The following PLEKHA7 variants were observed in gnomAD, a reference collection of about 807,000 sequenced individuals.
PLEKHA7 encodes pleckstrin homology domain containing A7.
A neutral mutation model predicts 170.0 loss-of-function variants in PLEKHA7; 104 were observed. The ratio of observed to expected loss-of-function variants is 0.61; its 90% CI spans 0.52 to 0.72. The LOEUF is 0.72. Among genes scored for constraint, PLEKHA7 ranks in the 30% least tolerant of loss-of-function variants. The pLI is 0.00. For synonymous variants in PLEKHA7, 648 were observed against 660.8 expected (o/e 0.98, Z 0.30); for missense variants, 1,615 against 1,671.7 (o/e 0.97, Z 0.59).
intron 9 of PLEKHA7, among the ~76,000 whole-genome samples, chr11:16,827,348 C>T (rs1850736290): frequency 6.6e-6 from 1 of 152,206 alleles, no homozygotes; most frequent in African/African-American, 2.4e-5. Context: ...CAGATTTTAG[C>T]AATAAGGAAA....
intron 11 of PLEKHA7, among the ~76,000 whole-genome samples, 178 bp downstream of exon 11, chr11:16,816,622 G>C (rs1849775689): frequency 6.6e-6 from 1 of 152,132 alleles, no homozygotes; most frequent in African/African-American, 2.4e-5. Context: ...ACAGGGTTGT[G>C]GTGAGAATTT....
chr11:16,886,963 AAC>A (rs1234731121), intron 3 of PLEKHA7, among the ~76,000 whole-genome samples: 10 of 152,182 alleles, frequency 6.6e-5, no homozygotes, highest in African/African-American at 2.4e-4. Context: ...TGAACAAAAT[AAC>A]AGTTTTTCTG....
chr11:16,852,288 T>C lies in PLEKHA7; in HGVS notation c.590A>G (p.Tyr197Cys). Reference protein sequence around the residue: ...FVLADYCLFYYKDSREEAVLG... With the variant: ...FVLADYCLFYCKDSREEAVLG... ...TAGGCTACTTGTTAGCTCACCTTTA[T>C]AGTAAAATAAGCAGTAATCAGCAAG... Residue 197 changes from tyrosine (Y) to cysteine (C), a missense_variant, in exon 7 of 27, where the codon TAT becomes TGT. Coordinates refer to ENST00000531066, the MANE Select transcript of PLEKHA7 (RefSeq NM_001329630.2). 2 of 1,613,924 alleles carry C rather than the reference T, an allele frequency of 1.2e-6. No individual in the cohort carries two copies. The highest frequency in any genetic ancestry group is 1.7e-6 in the Non-Finnish European group (2 of 1,179,898).
At chr11:16,913,222 T>C (rs1858380107) in intron 3 of PLEKHA7, among the ~76,000 whole-genome samples, 1 of 152,126 alleles carries the variant, frequency 6.6e-6, no homozygotes, top group Non-Finnish European at 1.5e-5. Flanking sequence ...GAAATGCAAT[T>C]AGTCCCTGCT....
intron 3 of PLEKHA7, among the ~76,000 whole-genome samples, chr11:16,952,612 G>A (rs1861474894): frequency 6.6e-6 from 1 of 152,034 alleles, no homozygotes; most frequent in Admixed American, 6.6e-5. Flanking sequence ...CATAATACAG[G>A]TGGAGTGTCT....
chr11:16,913,244 T>G (rs909483918), intron 3 of PLEKHA7, among the ~76,000 whole-genome samples: 2 of 152,184 alleles, frequency 1.3e-5, no homozygotes, highest in African/African-American at 4.8e-5. Context: ...CAGCCACATT[T>G]TTTTTTCCCC....
chr11:16,797,216 T>C lies in PLEKHA7; in HGVS notation c.2410-2198A>G, dbSNP rs117003236. 2.1e-4 allele frequency among the ~76,000 whole-genome samples: 32 copies of C among 152,318 alleles called. No individual in the cohort carries two copies. The East Asian group carries it at 6.0e-3, about 28-fold the overall frequency. On this transcript the variant is annotated intron_variant, in intron 17 of 26. Coordinates refer to ENST00000531066, the MANE Select transcript of PLEKHA7 (RefSeq NM_001329630.2). ...GGGGTTAAGGGACTACGGCCATCTC[T>C]TGACGGGGCTGTTTAAACATCAAAT...
In PLEKHA7 at chr11:16,791,261, G is replaced by A. The variant is rs1228512336; in HGVS notation, c.2746-62C>T. The A allele has an allele frequency of 6.9e-7, 1 of 1,459,554 alleles. No individual in the cohort carries two copies. The highest frequency in any genetic ancestry group is 2.3e-5 in the Admixed American group (1 of 43,200). The allele number at this position is 1,459,554 out of a possible 1,614,324, so 90.4% of individuals were successfully genotyped here. On this transcript the variant is annotated intron_variant, in intron 19 of 26. Coordinates refer to ENST00000531066, the MANE Select transcript of PLEKHA7 (RefSeq NM_001329630.2). The surrounding 1 kb of genome is among the most constrained non-coding windows in gnomAD (Gnocchi z 4.5). The stretch of plus-strand genomic sequence containing the variant: ...ACGGAGCTGGAGGGAGGACTGCTAG[G>A]TACTGCCACAGTGGAGGTTTAAAGG...
At chr11:16,911,969 T>C (rs1230864346) in intron 3 of PLEKHA7, among the ~76,000 whole-genome samples, 1 of 152,106 alleles carries the variant, frequency 6.6e-6, no homozygotes, top group Admixed American at 6.6e-5. Context: ...GGGCACAAGA[T>C]ACATCTCTGG....
intron 3 of PLEKHA7, among the ~76,000 whole-genome samples, chr11:16,931,709 T>A (rs1859942228): frequency 6.6e-6 from 1 of 151,146 alleles, no homozygotes; most frequent in Non-Finnish European, 1.5e-5. Context: ...GAGCCGAGAT[T>A]GTACAACTGC....
chr11:16,786,693 C>T, intron 23 of PLEKHA7: 2 of 985,384 alleles, frequency 2.0e-6, no homozygotes, highest in Non-Finnish European at 2.4e-6. Context: ...GGGTGACCTC[C>T]AAACAACTTG....
intron 3 of PLEKHA7, among the ~76,000 whole-genome samples, chr11:16,880,237 G>T (rs1269759563): frequency 6.6e-6 from 1 of 152,106 alleles, no homozygotes; most frequent in Non-Finnish European, 1.5e-5. Context: ...ATCTAGAAAG[G>T]CCACACAGGC....
At chr11:16,808,725 C>T (rs557894173) in intron 13 of PLEKHA7, among the ~76,000 whole-genome samples, 61 of 152,252 alleles carry the variant, frequency 4.0e-4, no homozygotes, top group African/African-American at 1.4e-3. Context: ...TGTGCTTCAC[C>T]GCAGCATAAA....
intron 3 of PLEKHA7, among the ~76,000 whole-genome samples, chr11:16,899,782 C>A (rs1857214799): frequency 6.6e-6 from 1 of 152,194 alleles, no homozygotes; most frequent in Non-Finnish European, 1.5e-5. Flanking sequence ...CATTATAGGG[C>A]AGGAAAACCT....
At chr11:16,930,878 G>A (rs1379817709) in intron 3 of PLEKHA7, among the ~76,000 whole-genome samples, 1 of 152,142 alleles carries the variant, frequency 6.6e-6, no homozygotes, top group African/African-American at 2.4e-5. Context: ...CTGGAGAGCT[G>A]GCCAGTGCCT....
At chr11:16,821,556 C>A (rs753049672) in intron 10 of PLEKHA7, among the ~76,000 whole-genome samples, 6 of 152,190 alleles carry the variant, frequency 3.9e-5, no homozygotes, top group Non-Finnish European at 5.9e-5. Context: ...TAACCTTCCT[C>A]CCAATGTCTT....
rs190722329 is a variant in PLEKHA7 at position 16,803,071 on chromosome 11, G to A, written c.2077-19C>T. 5.5e-5 allele frequency: 89 copies of A among 1,606,016 alleles called. 1 individual carries two copies. In the East Asian group the frequency reaches 1.4e-3, roughly 26 times the overall value. On this transcript the variant is annotated intron_variant, in intron 14 of 26. Transcript: ENST00000531066. ...GTTTGACCTAAAAGCAAGAACAGGT[G>A]GAGAGGGCCTGGGGTGATGAGAAAA...
chr11:16,779,581 C>A (rs922323813), intron 26 of PLEKHA7, among the ~76,000 whole-genome samples: 76 of 152,138 alleles, frequency 5.0e-4, no homozygotes, highest in African/African-American at 1.7e-3. Flanking sequence ...TCACAATGGG[C>A]GTGGCTAGAG....
intron 3 of PLEKHA7, among the ~76,000 whole-genome samples, chr11:16,921,851 A>G (rs752705997): frequency 3.9e-5 from 6 of 152,234 alleles, no homozygotes; most frequent in East Asian, 1.9e-4. Context: ...ATTATTCTCA[A>G]AGGACACTGG....
Sources: allele counts gnomAD v4.1 joint callset (sites outside exome capture counted in the v4.1 genomes callset), GRCh38; gene constraint gnomAD v4.1.1; non-coding constraint Gnocchi (gnomAD v3.1); transcripts MANE v1.5; gene names NCBI Gene and HGNC (gene_info 2026-07-23, HGNC 2026-07-21).